The following SYNE1 variants were observed in gnomAD, a reference collection of about 807,000 sequenced individuals.
SYNE1 encodes spectrin repeat containing nuclear envelope protein 1, also known as nesprin-1.
SYNE1 carries 616 observed loss-of-function variants against 1,111.0 expected under a neutral mutation model. The ratio of observed to expected loss-of-function variants is 0.55; its 90% confidence interval spans 0.52 to 0.59. The LOEUF is 0.59. SYNE1 is among the 20% of genes least tolerant of loss of function. The pLI, the probability that SYNE1 is intolerant of heterozygous loss-of-function variation, is 0.00. For missense variants in SYNE1, 10,006 were observed against 10,417.0 expected (o/e 0.96, Z 1.72); for synonymous variants, 3,855 against 3,825.8 (o/e 1.01, Z -0.28).
At position 152,531,782 on chromosome 6, in the gene SYNE1, A is replaced by C. The variant is rs563708175; in HGVS notation, c.130-5607T>G. ...ATTTTGTGACTGGCTTATTTCACTT[A>C]TTATAACGTCCTCAAGGTTCATCCA... On this transcript the variant is annotated intron_variant, in intron 4 of 145. Transcript: ENST00000367255. Among the ~76,000 whole-genome samples, 15 of 152,304 alleles carry C rather than the reference A, an allele frequency of 9.8e-5. No homozygotes were observed. In the South Asian group the frequency reaches 3.1e-3, roughly 32 times the overall value.
chr6:152,555,696 A>G (rs559607013), intron 3 of SYNE1, among the ~76,000 whole-genome samples: 17 of 152,358 alleles, frequency 1.1e-4, no homozygotes, highest in African/African-American at 4.1e-4. Context: ...AAAGACATGA[A>G]TGAATTCATG....
At chr6:152,166,257 C>T (rs1016664179) in intron 130 of SYNE1, among the ~76,000 whole-genome samples, 5 of 152,310 alleles carry the variant, frequency 3.3e-5, no homozygotes, top group South Asian at 2.1e-4. Flanking sequence ...TTCCCTACCC[C>T]GGCCATGCTA....
At chr6:152,235,770 C>G (rs2083880344) in intron 110 of SYNE1, among the ~76,000 whole-genome samples, 1 of 151,122 alleles carries the variant, frequency 6.6e-6, no homozygotes, top group South Asian at 2.1e-4. Context: ...GAGACACAGT[C>G]TCACTCTATT....
intron 105 of SYNE1, among the ~76,000 whole-genome samples, chr6:152,248,417 T>C (rs2088059270): frequency 2.0e-5 from 3 of 151,948 alleles, no homozygotes. Context: ...GCTTATAATT[T>C]ATAAATAAAT....
At chr6:152,622,192 C>T (rs78136621) in intron 3 of SYNE1, among the ~76,000 whole-genome samples, 7,972 of 152,126 alleles carry the variant, frequency 0.052, 657 homozygotes, top group African/African-American at 0.18. Context: ...AGCCTAAATA[C>T]AATAAATGAG....
At chr6:152,425,987 C>G (rs2098346696) in intron 38 of SYNE1, among the ~76,000 whole-genome samples, 1 of 152,124 alleles carries the variant, frequency 6.6e-6, no homozygotes, top group Non-Finnish European at 1.5e-5. Context: ...GCAATTCTAG[C>G]CTGGGACATG....
intron 40 of SYNE1, among the ~76,000 whole-genome samples, chr6:152,417,521 C>CAAAGAAAA (rs1554664101): frequency 2.0e-5 from 3 of 151,644 alleles, no homozygotes; most frequent in Non-Finnish European, 4.4e-5. Flanking sequence ...AACAAACAAA[C>CAAAGAAAA]AAACACAACT....
intron 125 of SYNE1, among the ~76,000 whole-genome samples, chr6:152,206,695 C>T (rs1235685874): frequency 3.3e-5 from 5 of 151,958 alleles, no homozygotes; most frequent in Non-Finnish European, 7.4e-5. Context: ...ATGTGTCTTG[C>T]GAGACATGAA....
intron 41 of SYNE1, among the ~76,000 whole-genome samples, chr6:152,414,772 C>T (rs980252337): frequency 2.0e-5 from 3 of 152,126 alleles, no homozygotes; most frequent in African/African-American, 7.2e-5. Flanking sequence ...TCTGCTTGGT[C>T]TAAGAAGGCC....
intron 55 of SYNE1, 179 bp from the exon 56 acceptor site, chr6:152,381,541 G>C (rs1043535762): frequency 1.5e-6 from 1 of 687,172 alleles, no homozygotes; most frequent in Non-Finnish European, 2.5e-6. Flanking sequence ...TTGTCATCAC[G>C]AGTGCCTAAG....
chr6:152,395,343 C>T (rs533824833), intron 51 of SYNE1, among the ~76,000 whole-genome samples, 173 bp downstream of exon 51: 53 of 152,314 alleles, frequency 3.5e-4, no homozygotes, highest in Non-Finnish European at 5.1e-4. Context: ...CACCAGAATA[C>T]TGCACTGCTG....
chr6:152,333,506 C>T (rs2153980168), intron 77 of SYNE1, among the ~76,000 whole-genome samples: 1 of 152,028 alleles, frequency 6.6e-6, no homozygotes, highest in South Asian at 2.1e-4. Flanking sequence ...TCTCTTTTAC[C>T]CACTGGTTAA....
intron 63 of SYNE1, among the ~76,000 whole-genome samples, chr6:152,363,488 CG>C (rs1339614214): frequency 1.7e-4 from 25 of 147,572 alleles, no homozygotes; most frequent in Admixed American, 1.7e-3. Context: ...AGCAAGACTC[CG>C]TCTCAAACTA....
At chr6:152,335,034 T>A (rs1337844875) in intron 76 of SYNE1, among the ~76,000 whole-genome samples, 1 of 152,216 alleles carries the variant, frequency 6.6e-6, no homozygotes, top group Non-Finnish European at 1.5e-5. Flanking sequence ...ACTCCCTGCA[T>A]ACACAGCAAA....
chr6:152,514,218 G>A (rs2099099961), intron 6 of SYNE1, among the ~76,000 whole-genome samples: 1 of 152,152 alleles, frequency 6.6e-6, no homozygotes, highest in South Asian at 2.1e-4. Flanking sequence ...GCAAAGACTT[G>A]GAACCAATCC....
chr6:152,180,390 G>A, intron 128 of SYNE1, 96 bp from the exon 129 acceptor site: 1 of 1,197,310 alleles, frequency 8.4e-7, no homozygotes, highest in East Asian at 2.3e-5. Context: ...TAAAATGAAT[G>A]ATAGTCATAC....
intron 3 of SYNE1, among the ~76,000 whole-genome samples, chr6:152,567,562 A>C (rs2099418025): frequency 1.3e-5 from 2 of 152,204 alleles, no homozygotes; most frequent in Non-Finnish European, 2.9e-5. Context: ...GCAACAGAGA[A>C]GAATAAAAGA....
chr6:152,318,380 A>G, intron 85 of SYNE1, 117 bp from the exon 86 acceptor site: 1 of 1,117,458 alleles, frequency 8.9e-7, no homozygotes, highest in Non-Finnish European at 1.3e-6. Context: ...ATTCTACTAT[A>G]ATTCTACTAT....
rs9479275 is a variant in SYNE1, at chr6:152,239,781, G to A, written c.19894-75C>T. On this transcript the variant is annotated intron_variant, in intron 107 of 145. Coordinates refer to ENST00000367255, the MANE Select transcript of SYNE1 (RefSeq NM_182961.4). ...TTAGAATCAAAATTGGTTTAGGGCCGGGTGCGGTGGCTCACGCCTGTAATC... is the reference window on the plus strand; with the variant it reads ...TTAGAATCAAAATTGGTTTAGGGCCAGGTGCGGTGGCTCACGCCTGTAATC... 437,790 of 1,541,788 alleles carry A rather than the reference G, an allele frequency of 0.28. 63,404 individuals carry two copies. Among genetic ancestry groups the A allele is most frequent in the Admixed American group, 0.47 (27,320 of 58,678 alleles).
Sources: allele counts gnomAD v4.1 joint callset (sites outside exome capture counted in the v4.1 genomes callset), GRCh38; gene constraint gnomAD v4.1.1; transcripts MANE v1.5; gene names NCBI Gene and HGNC (gene_info 2026-07-23, HGNC 2026-07-21).